DYNC2I1: variants seen among roughly 807,000 people sequenced by gnomAD.
DYNC2I1 encodes the protein cytoplasmic dynein 2 intermediate chain 1.
DYNC2I1 carries 89 observed loss-of-function variants against 133.4 expected under a neutral mutation model. That is an observed-to-expected ratio of 0.67 (90% CI 0.56 to 0.80). The LOEUF is 0.80. Ranked by LOEUF, DYNC2I1 falls within the 30% of genes least tolerant of loss-of-function variation. DYNC2I1 has a pLI of 0.00. For synonymous variants in DYNC2I1, 504 were observed against 484.3 expected, an observed-to-expected ratio of 1.04 and a Z score of -0.54; for missense variants, 1,291 against 1,314.5, an observed-to-expected ratio of 0.98 and a Z score of 0.28.
At chr7:158,883,965 A>G (rs995409497) in intron 5 of DYNC2I1, among the ~76,000 whole-genome samples, 13 of 151,606 alleles carry the variant, frequency 8.6e-5, no homozygotes, top group Non-Finnish European at 1.5e-4. Flanking sequence ...CGCCCGGCCC[A>G]GTGACTTCTT....
In DYNC2I1 at chr7:158,945,778, A is replaced by G. The variant is rs1380490836; in HGVS notation, c.3200A>G (p.Ter1067TrpextTer56). ...TGGCCAGAGGGAAAACTGCACAAGT[A>G]GCGGGTGTGGCTGAGAGGACCGCGT... ...ALWPEGKLHK* is the reference protein window; with the variant it reads ...ALWPEGKLHKW Residue 1067 changes from the stop codon to tryptophan, a stop_lost, in exon 25 of 25, where the codon TAG becomes TGG. Transcript: ENST00000407559. This position sits in a 1 kb window ranked among gnomAD's most constrained non-coding sequence, Gnocchi z 4.1. 1 of 1,551,542 alleles carries G rather than the reference A, an allele frequency of 6.4e-7. No homozygotes were observed. Among genetic ancestry groups the G allele is most frequent in the South Asian group, 1.2e-5 (1 of 81,326 alleles).
chr7:158,859,544 C>G (rs1359699247), intron 1 of DYNC2I1, among the ~76,000 whole-genome samples: 6 of 152,112 alleles, frequency 3.9e-5, no homozygotes, highest in Admixed American at 2.6e-4. Flanking sequence ...GCTCTGTCGC[C>G]CAGGCTGGAG....
At chr7:158,888,793 G>A (rs1194164104) in intron 7 of DYNC2I1, among the ~76,000 whole-genome samples, 1 of 152,024 alleles carries the variant, frequency 6.6e-6, no homozygotes, top group Non-Finnish European at 1.5e-5. Context: ...TTTATGAATT[G>A]CTTTATTCTA....
chr7:158,942,478 G>A (rs1459395474), intron 24 of DYNC2I1, among the ~76,000 whole-genome samples: 1 of 152,060 alleles, frequency 6.6e-6, no homozygotes, highest in African/African-American at 2.4e-5. Flanking sequence ...CTTGGGTTGT[G>A]CATTTAAATA....
In DYNC2I1 at chr7:158,896,507, T is replaced by G. The variant is rs369668748; in HGVS notation, c.1059+5174T>G. On this transcript the variant is annotated intron_variant, in intron 8 of 24. Coordinates refer to ENST00000407559, the MANE Select transcript of DYNC2I1 (RefSeq NM_018051.5). Reference sequence around the variant, plus strand: ...TTTTTTTGAGGCAGGGTGTTAACTCTGTCGCTCAGACTTGAGTGCAGTGGG... The same window carrying G: ...TTTTTTTGAGGCAGGGTGTTAACTCGGTCGCTCAGACTTGAGTGCAGTGGG... Among the ~76,000 whole-genome samples, 10 of 152,318 alleles carry G rather than the reference T, an allele frequency of 6.6e-5. No homozygotes were observed. The East Asian group carries it at 1.3e-3, about 21-fold the overall frequency.
intron 14 of DYNC2I1, among the ~76,000 whole-genome samples, chr7:158,914,642 A>G (rs923279815): frequency 1.3e-5 from 2 of 152,238 alleles, no homozygotes; most frequent in Non-Finnish European, 2.9e-5. Context: ...GCATAAATCT[A>G]GGGTATTTGA....
At chr7:158,955,661 G>C (rs80308043) in intron 4 of DYNC2I1, among the ~76,000 whole-genome samples, 1 of 152,176 alleles carries the variant, frequency 6.6e-6, no homozygotes, top group Admixed American at 6.5e-5. Context: ...TTTGACCCTC[G>C]TGATGTTCTA....
chr7:158,945,644 G>T lies in DYNC2I1; in HGVS notation c.3066G>T (p.Val1022=). The T allele has an allele frequency of 6.2e-7, 1 of 1,611,856 alleles. No homozygotes were observed. The highest frequency in any genetic ancestry group is 8.5e-7 in the Non-Finnish European group (1 of 1,179,160). The change falls in exon 25 of 25, where the codon GTG becomes GTT. Residue 1022 remains valine, a synonymous_variant. Coordinates refer to ENST00000407559, the MANE Select transcript of DYNC2I1 (RefSeq NM_018051.5). The surrounding 1 kb of genome is among the most constrained non-coding windows in gnomAD (Gnocchi z 4.1). ...EKAGGSFLAL[V]LARASGSIDI... is the part of the protein sequence containing the mutation. Reference sequence around the variant, plus strand: ...CTGGTGGCAGCTTCCTGGCCCTGGTGCTGGCCAGGGCGTCTGGCTCCATCG... The same window carrying T: ...CTGGTGGCAGCTTCCTGGCCCTGGTTCTGGCCAGGGCGTCTGGCTCCATCG...
chr7:158,860,878 G>A (rs1841812597), intron 1 of DYNC2I1, among the ~76,000 whole-genome samples: 1 of 152,162 alleles, frequency 6.6e-6, no homozygotes, highest in South Asian at 2.1e-4. Flanking sequence ...TTTTAGAAAG[G>A]CTGAATGTTT....
chr7:158,905,698 G>T (rs759935004), intron 10 of DYNC2I1, among the ~76,000 whole-genome samples: 14 of 152,134 alleles, frequency 9.2e-5, no homozygotes, highest in Non-Finnish European at 1.9e-4. Context: ...TGGGCGGGAT[G>T]GGGGCTTAGA....
chr7:158,881,879 C>T (rs910909577), intron 5 of DYNC2I1, among the ~76,000 whole-genome samples: 10 of 152,280 alleles, frequency 6.6e-5, no homozygotes, highest in African/African-American at 2.4e-4. Context: ...CTCTTGTACC[C>T]ATAACTTAGA....
chr7:158,848,922 C>CAAA, the DYNC2I1 span, among the ~76,000 whole-genome samples: 471 of 140,384 alleles, frequency 3.4e-3, 3 homozygotes, highest in Non-Finnish European at 6.0e-3. Context: ...GACTCCGTTT[C>CAAA]AAAAAAAAAA....
Position 158,918,758 on chromosome 7 carries a change from G to A in DYNC2I1, c.1810G>A (p.Glu604Lys). ...CTGACAGGTGATGGCCGTTTTGCTG[G>A]AAGAGGATCGCTTGGCAGCTGAACC... ...AACQVMAVLLEEDRLAAEPSW... is the reference protein window; with the variant it reads ...AACQVMAVLLKEDRLAAEPSW... Residue 604 changes from glutamate to lysine, a missense_variant, in exon 15 of 25, where the codon GAA (glutamate) becomes AAA (lysine). Coordinates refer to ENST00000407559, the MANE Select transcript of DYNC2I1 (RefSeq NM_018051.5). The A allele has an allele frequency of 6.2e-7, 1 of 1,613,806 alleles. No homozygotes were observed. The highest frequency in any genetic ancestry group is 8.5e-7 in the Non-Finnish European group (1 of 1,179,840).
chr7:158,884,698 C>G, intron 6 of DYNC2I1, 79 bp downstream of exon 6: 1 of 1,448,082 alleles, frequency 6.9e-7, no homozygotes, highest in Non-Finnish European at 9.6e-7. Flanking sequence ...CTTATTGGCT[C>G]CGATGACGGC....
chr7:158,896,329 C>T (rs985957861), intron 8 of DYNC2I1, among the ~76,000 whole-genome samples: 6 of 152,066 alleles, frequency 3.9e-5, no homozygotes, highest in African/African-American at 1.4e-4. Context: ...TGTTTTTTCT[C>T]CATTTACTGA....
downstream of DYNC2I1, among the ~76,000 whole-genome samples, chr7:158,948,900 C>T (rs1005380535): frequency 6.6e-6 from 1 of 152,198 alleles, no homozygotes; most frequent in Non-Finnish European, 1.5e-5. Flanking sequence ...ATCATCAGCT[C>T]TTCCAAATCT....
chr7:158,889,384 C>T (rs555282783), intron 7 of DYNC2I1, among the ~76,000 whole-genome samples: 1 of 152,042 alleles, frequency 6.6e-6, no homozygotes, highest in South Asian at 2.1e-4. Flanking sequence ...CTGGCCACCC[C>T]TCCTGTTTTT....
chr7:158,874,054 C>T (rs997094845), intron 3 of DYNC2I1, among the ~76,000 whole-genome samples: 4 of 151,682 alleles, frequency 2.6e-5, no homozygotes, highest in African/African-American at 7.3e-5. Context: ...CCACAGCGCC[C>T]GGCCAGCACC....
At chr7:158,870,714 G>A (rs1445351604) in intron 2 of DYNC2I1, among the ~76,000 whole-genome samples, 1 of 151,880 alleles carries the variant, frequency 6.6e-6, no homozygotes, top group Non-Finnish European at 1.5e-5. Flanking sequence ...TCCATATTTT[G>A]GGGGTACAGG....
Sources: allele counts gnomAD v4.1 joint callset (sites outside exome capture counted in the v4.1 genomes callset), GRCh38; gene constraint gnomAD v4.1.1; non-coding constraint Gnocchi (gnomAD v3.1); transcripts MANE v1.5; gene names NCBI Gene and HGNC (gene_info 2026-07-23, HGNC 2026-07-21).